ARID1A: variants seen among roughly 807,000 people sequenced by gnomAD.
The protein encoded by ARID1A is AT-rich interactive domain-containing protein 1A.
Under a neutral mutation model 212.6 loss-of-function variants are expected in ARID1A, and 20 were observed. That is an observed-to-expected ratio of 0.09 (90% CI 0.07 to 0.14). The LOEUF (loss-of-function observed/expected upper bound fraction) is 0.14, where lower values mean the gene tolerates loss of function less well. Ranked by LOEUF, ARID1A falls within the 10% of genes least tolerant of loss-of-function variation. The probability of loss-of-function intolerance (pLI) is 1.00; values close to 1 mark genes in which losing one functional copy is unlikely to be tolerated. For missense variants in ARID1A, 2,587 were observed against 3,059.0 expected (o/e 0.85, Z 3.64); for synonymous variants, 1,376 against 1,222.1 (o/e 1.13, Z -2.63).
In ARID1A at chr1:26,697,160, C is replaced by G. The variant is rs754650765; in HGVS notation, c.757C>G (p.Pro253Ala). The change falls in exon 1 of 20, where the codon CCC becomes GCC. Residue 253 changes from proline (P) to alanine (A), a missense_variant. Pro to Ala is a conservative substitution (Grantham distance 27). This residue lies in a region of ARID1A where 735 missense variants were observed against 590.6 expected (regional missense o/e 1.24). Transcript: ENST00000324856. ...GGCGGCTGCCGGCTCCAAGCCGCCT[C>G]CCTCCTCCAGCGCCTCCGCCTCCTC... Reference protein sequence around the residue: ...AAAAAGSKPPPSSSASASSSS... With the variant: ...AAAAAGSKPPASSSASASSSS... 2.1e-6 allele frequency: 3 copies of G among 1,441,902 alleles called. No individual in the cohort carries two copies. The highest frequency in any genetic ancestry group is 5.9e-5 in the East Asian group (2 of 33,630). The allele number at this position is 1,441,902 out of a possible 1,614,324, so 89.3% of individuals were successfully genotyped here. A position where few individuals can be genotyped will look rare whatever the true frequency, so the allele number is the denominator to read the frequency against.
rs550015969 is a variant in ARID1A, at chr1:26,711,484, C to A, written c.1137+13944C>A. ...CACACCCTCATGACTTAATCTAACC[C>A]TAATTACCTCCCAAAGGCCCCACCT... On this transcript the variant is annotated intron_variant, in intron 1 of 19. Transcript: ENST00000324856. Among the ~76,000 whole-genome samples, 30 of 152,192 alleles carry A rather than the reference C, an allele frequency of 2.0e-4. No homozygotes were observed. The South Asian group carries it at 5.2e-3, about 26-fold the overall frequency.
chr1:26,752,780 A>G (rs1430830463), intron 4 of ARID1A, among the ~76,000 whole-genome samples: 1 of 152,196 alleles, frequency 6.6e-6, no homozygotes, highest in Non-Finnish European at 1.5e-5. Context: ...TTTTTTATTC[A>G]AGTATTGTCA....
rs755953400 is a variant in ARID1A, at chr1:26,779,983, C to T, written c.6085C>T (p.Leu2029=). The T allele has an allele frequency of 6.2e-7, 1 of 1,614,186 alleles. No homozygotes were observed. The highest frequency in any genetic ancestry group is 1.1e-5 in the South Asian group (1 of 91,080). Residue 2029 remains leucine, a synonymous_variant, in exon 20 of 20, where the codon CTA becomes TTA. Transcript: ENST00000324856. ...HKHPERKQAP[L]TYEKEEEQDQ... is the part of the protein sequence containing the mutation. ...GCACCCAGAACGGAAGCAGGCACCA[C>T]TAACTTATGAAAAGGAGGAGGAACA...
intron 4 of ARID1A, 127 bp from the exon 5 acceptor site, chr1:26,760,729 T>G: frequency 9.8e-7 from 1 of 1,020,874 alleles, no homozygotes; most frequent in Non-Finnish European, 1.4e-6. Context: ...GTATCATGAC[T>G]AAAGAACGTG....
In ARID1A at chr1:26,729,854, T is replaced by C. The variant is rs752085945; in HGVS notation, c.1341T>C (p.Tyr447=). Residue 447 remains tyrosine, a synonymous_variant, in exon 2 of 20, where the codon TAT becomes TAC. Transcript: ENST00000324856. ...AGAGTGCCATGGGCGGCCTCTCTTA[T>C]ACACAGCAGGTAGATGGTGATTGTG... ...RAQSAMGGLS[Y]TQQIPPYGQQ... The C allele has an allele frequency of 9.9e-6, 16 of 1,613,916 alleles. No individual in the cohort carries two copies. Among genetic ancestry groups the C allele is most frequent in the African/African-American group, 1.3e-5 (1 of 75,058 alleles).
intron 4 of ARID1A, among the ~76,000 whole-genome samples, chr1:26,736,139 A>G (rs1305874208): frequency 1.3e-5 from 2 of 151,698 alleles, no homozygotes; most frequent in African/African-American, 4.8e-5. Context: ...CCTGGCAACC[A>G]TGGTGAAACC....
At chr1:26,745,846 G>A (rs1045055820) in intron 4 of ARID1A, among the ~76,000 whole-genome samples, 2 of 152,168 alleles carry the variant, frequency 1.3e-5, no homozygotes, top group Admixed American at 1.3e-4. Flanking sequence ...GAGGTTGGGA[G>A]TTCAAGACCA....
At position 26,779,167 on chromosome 1, in the gene ARID1A, G is replaced by A. The variant is rs2081165586; in HGVS notation, c.5269G>A (p.Ala1757Thr). ...GAGGTTCAGCAAGGTGTCTAGTCCA[G>A]CTCCCATGGAGGGTGGGGAAGAAGA... ...PGRFSKVSSP[A>T]PMEGGEEEEE... The change falls in exon 20 of 20, where the codon GCT becomes ACT. Residue 1757 changes from alanine (A) to threonine (T), a missense_variant. Physicochemically the swap from Ala to Thr is moderately conservative, Grantham distance 58. Coordinates refer to ENST00000324856, the MANE Select transcript of ARID1A (RefSeq NM_006015.6). The A allele has an allele frequency of 1.2e-6, 2 of 1,604,360 alleles. No homozygotes were observed. Among genetic ancestry groups the A allele is most frequent in the African/African-American group, 1.3e-5 (1 of 74,786 alleles).
chr1:26,696,193 C>G lies in ARID1A; in HGVS notation c.-211C>G. On this transcript the variant is annotated 5_prime_UTR_variant, in exon 1 of 20. Transcript: ENST00000324856. ...CCGCCGGCGCCTCGGCCGCCGCCGC[C>G]GCCTCCTCCTCCTCCGCCGCCGCCA... 1.4e-6 allele frequency: 1 copy of G among 701,896 alleles called. No individual in the cohort carries two copies. The highest frequency in any genetic ancestry group is 1.9e-6 in the Non-Finnish European group (1 of 527,842). The allele number at this position is 701,896 out of a possible 1,614,324, so 43.5% of individuals were successfully genotyped here.
chr1:26,737,352 A>G (rs2080743784), intron 4 of ARID1A, among the ~76,000 whole-genome samples: 1 of 152,064 alleles, frequency 6.6e-6, no homozygotes, highest in African/African-American at 2.4e-5. Flanking sequence ...TCCTGAGCTC[A>G]AGCAGTCTGC....
Position 26,697,353 on chromosome 1 carries a change from G to A in ARID1A, c.950G>A (p.Ser317Asn), listed in dbSNP as rs2124744443. ...GYQGYPGGDY[S>N]GGPQDGGAGK... is the part of the protein sequence containing the mutation. ...CAGGGCTACCCCGGGGGCGACTACA[G>A]TGGCGGGCCCCAGGACGGGGGCGCC... Residue 317 changes from serine (S) to asparagine (N), a missense_variant, in exon 1 of 20, where the codon AGT (serine) becomes AAT (asparagine). By Grantham distance (46) the Ser-to-Asn change is conservative (BLOSUM62 1). Coordinates refer to ENST00000324856, the MANE Select transcript of ARID1A (RefSeq NM_006015.6). 3 of 1,323,946 alleles carry A rather than the reference G, an allele frequency of 2.3e-6. No homozygotes were observed. The highest frequency in any genetic ancestry group is 1.9e-6 in the Non-Finnish European group (2 of 1,043,942). 82.0% of individuals were successfully genotyped at this position (1,323,946 alleles called of 1,614,324 possible). A position where few individuals can be genotyped will look rare whatever the true frequency, so the allele number is the denominator to read the frequency against.
chr1:26,715,876 T>C (rs906185691), intron 1 of ARID1A, among the ~76,000 whole-genome samples: 1 of 150,714 alleles, frequency 6.6e-6, no homozygotes, highest in African/African-American at 2.4e-5. Flanking sequence ...GCCTTGCCAA[T>C]GTAAGAAGTC....
intron 7 of ARID1A, among the ~76,000 whole-genome samples, chr1:26,762,583 AC>A (rs2124065952): frequency 6.6e-6 from 1 of 152,342 alleles, no homozygotes; most frequent in East Asian, 1.9e-4. Flanking sequence ...ACCATTGAGC[AC>A]AGACAATTTA....
intron 4 of ARID1A, among the ~76,000 whole-genome samples, chr1:26,737,209 C>T (rs932721790): frequency 3.9e-5 from 6 of 152,038 alleles, no homozygotes; most frequent in African/African-American, 1.4e-4. Context: ...TCCACCTCCC[C>T]AGGTTCAGGT....
intron 1 of ARID1A, among the ~76,000 whole-genome samples, chr1:26,726,042 A>G (rs1158209359): frequency 6.6e-6 from 1 of 151,370 alleles, no homozygotes; most frequent in Admixed American, 6.6e-5. Flanking sequence ...TTTAGTAGAG[A>G]CGGGGTTTCA....
chr1:26,741,581 A>AT (rs2080788713), intron 4 of ARID1A, among the ~76,000 whole-genome samples: 1 of 152,190 alleles, frequency 6.6e-6, no homozygotes. Context: ...AGAAAAAGGA[A>AT]TCAAAGGCAT....
In ARID1A at chr1:26,696,672, G is replaced by T; in HGVS notation, c.269G>T (p.Ser90Ile). The T allele has an allele frequency of 4.5e-6, 6 of 1,321,440 alleles. No homozygotes were observed. Among genetic ancestry groups the T allele is most frequent in the Non-Finnish European group, 5.8e-6 (6 of 1,037,848 alleles). The allele number at this position is 1,321,440 out of a possible 1,614,324, so 81.9% of individuals were successfully genotyped here. A position where few individuals can be genotyped will look rare whatever the true frequency, so the allele number is the denominator to read the frequency against. ...GGTGGCGGCGGCGGCGGAGCCGGCAGCGGCGGCGGGCCCGGCGCGGAGCCG... is the reference window on the plus strand; with the variant it reads ...GGTGGCGGCGGCGGCGGAGCCGGCATCGGCGGCGGGCCCGGCGCGGAGCCG... ...NGGGGGGGAG[S>I]GGGPGAEPDL... Residue 90 changes from serine to isoleucine, a missense_variant, in exon 1 of 20, where the codon AGC becomes ATC. This residue lies in a region of ARID1A where 735 missense variants were observed against 590.6 expected (regional missense o/e 1.24). Coordinates refer to ENST00000324856, the MANE Select transcript of ARID1A (RefSeq NM_006015.6).
chr1:26,715,615 CTT>C (rs764697153), intron 1 of ARID1A, among the ~76,000 whole-genome samples: 5 of 152,152 alleles, frequency 3.3e-5, no homozygotes, highest in Non-Finnish European at 5.9e-5. Flanking sequence ...ATTTCCTAGA[CTT>C]TGATGATATT....
intron 1 of ARID1A, among the ~76,000 whole-genome samples, chr1:26,712,351 C>T (rs1240479102): frequency 6.6e-6 from 1 of 152,098 alleles, no homozygotes; most frequent in African/African-American, 2.4e-5. Flanking sequence ...GCTGTGAATT[C>T]CTTTCCTTGT....
Sources: gnomAD v4.1 joint callset for allele counts (sites outside exome capture counted in the v4.1 genomes callset) on GRCh38, gnomAD v4.1.1 for gene constraint, gnomAD v4.1.1 regional missense constraint, MANE v1.5 for transcripts, NCBI Gene and HGNC (gene_info 2026-07-23, HGNC 2026-07-21) for gene names.